The following CGRRF1 variants were observed in gnomAD, a reference collection of about 807,000 sequenced individuals.
CGRRF1 encodes cell growth regulator with RING finger domain protein 1.
CGRRF1 carries 32 observed loss-of-function variants against 37.2 expected under a neutral mutation model. The observed-to-expected ratio is 0.86, with a 90% CI of 0.65 to 1.16. The LOEUF (loss-of-function observed/expected upper bound fraction) is 1.16, where lower values mean the gene tolerates loss of function less well. Ranked by LOEUF, CGRRF1 falls within the 50% of genes most tolerant of loss-of-function variation. The pLI is 0.00. For missense variants in CGRRF1, 391 were observed against 382.6 expected (o/e 1.02, Z -0.18); for synonymous variants, 141 against 140.3 (o/e 1.00, Z -0.04).
chr14:54,512,935 T>G (rs577100790), intron 1 of CGRRF1, among the ~76,000 whole-genome samples: 6 of 152,364 alleles, frequency 3.9e-5, no homozygotes, highest in African/African-American at 1.4e-4. Context: ...TGCTTCCTGC[T>G]GTTACTACTT....
chr14:54,510,135 C>T, intron 1 of CGRRF1, 72 bp downstream of exon 1: 1 of 1,190,326 alleles, frequency 8.4e-7, no homozygotes, highest in East Asian at 2.4e-5. Context: ...CAGCAGGGGG[C>T]ACCGGAGCCG....
intron 2 of CGRRF1, chr14:54,523,219 C>T (rs2032352642): frequency 6.5e-6 from 1 of 154,640 alleles, no homozygotes; most frequent in Middle Eastern, 5.6e-4. Context: ...CCACCCACCT[C>T]AGCCTCCCAA....
chr14:54,530,540 A>G, intron 3 of CGRRF1: 1 of 1,305,720 alleles, frequency 7.7e-7, no homozygotes. Flanking sequence ...CCCAAGCATT[A>G]GAAGATGCTC....
chr14:54,514,765 T>A (rs186297435), intron 1 of CGRRF1, among the ~76,000 whole-genome samples: 1 of 152,346 alleles, frequency 6.6e-6, no homozygotes, highest in Non-Finnish European at 1.5e-5. Flanking sequence ...TAAGTACTGC[T>A]TTATCAGCAT....
At position 54,519,605 on chromosome 14, in the gene CGRRF1, G is replaced by T. The variant is rs562383784; in HGVS notation, c.105-2849G>T. ...CGTATTTTTGTATTGACCTAATCCAGCTCCTGGTTCCAAGTTATAAACCTG... is the reference window on the plus strand; with the variant it reads ...CGTATTTTTGTATTGACCTAATCCATCTCCTGGTTCCAAGTTATAAACCTG... On this transcript the variant is annotated intron_variant, in intron 1 of 5. Coordinates refer to ENST00000216420, the MANE Select transcript of CGRRF1 (RefSeq NM_006568.3). Among the ~76,000 whole-genome samples, 18 of 152,148 alleles carry T rather than the reference G, an allele frequency of 1.2e-4. No homozygotes were observed. The South Asian group carries it at 3.7e-3, about 32-fold the overall frequency.
chr14:54,514,580 C>A (rs866059859), intron 1 of CGRRF1, among the ~76,000 whole-genome samples: 1 of 152,222 alleles, frequency 6.6e-6, no homozygotes, highest in Non-Finnish European at 1.5e-5. Context: ...ATCTTTTCTG[C>A]TCCTGTTCTT....
At chr14:54,534,101 ATAT>A (rs1322434421) in intron 4 of CGRRF1, among the ~76,000 whole-genome samples, 1 of 152,156 alleles carries the variant, frequency 6.6e-6, no homozygotes, top group Non-Finnish European at 1.5e-5. Flanking sequence ...GAGACTTTTA[ATAT>A]TAAATCAAAT....
chr14:54,513,602 T>C (rs1284122689), intron 1 of CGRRF1, among the ~76,000 whole-genome samples: 1 of 151,042 alleles, frequency 6.6e-6, no homozygotes, highest in Admixed American at 6.7e-5. Context: ...TTATGTTATG[T>C]TATGTTATGT....
At chr14:54,513,318 C>T (rs2032159308) in intron 1 of CGRRF1, among the ~76,000 whole-genome samples, 1 of 152,196 alleles carries the variant, frequency 6.6e-6, no homozygotes, top group Admixed American at 6.5e-5. Flanking sequence ...AAGCTGTGTG[C>T]TGGAGGACCA....
At chr14:54,518,312 G>A (rs893807189) in intron 1 of CGRRF1, among the ~76,000 whole-genome samples, 4 of 152,012 alleles carry the variant, frequency 2.6e-5, no homozygotes, top group African/African-American at 7.3e-5. Flanking sequence ...TTGGGAGGCC[G>A]AGGTGGGCAG....
chr14:54,520,243 G>A (rs566145915), intron 1 of CGRRF1, among the ~76,000 whole-genome samples: 1 of 152,078 alleles, frequency 6.6e-6, no homozygotes, highest in East Asian at 1.9e-4. Flanking sequence ...CGAGTAGCTG[G>A]GACTGCAGGC....
In CGRRF1 at chr14:54,522,452, A is replaced by T; in HGVS notation, c.105-2A>T. The T allele has an allele frequency of 6.5e-7, 1 of 1,537,662 alleles. No individual in the cohort carries two copies. Among genetic ancestry groups the T allele is most frequent in the Non-Finnish European group, 8.7e-7 (1 of 1,148,470 alleles). On this transcript the variant is annotated splice_acceptor_variant, in intron 1 of 5. Transcript: ENST00000216420. LOFTEE classifies it high-confidence loss of function. ...AATATTTTATTTTTTACCTTTTTTTAGGTTTGGTTGGGATGTTCCAGTAAT... is the reference window on the plus strand; with the variant it reads ...AATATTTTATTTTTTACCTTTTTTTTGGTTTGGTTGGGATGTTCCAGTAAT...
In CGRRF1 at chr14:54,522,469, TC is replaced by T; in HGVS notation, c.122del (p.Pro41GlnfsTer2). 6.4e-7 allele frequency: 1 copy of T among 1,572,000 alleles called. No individual in the cohort carries two copies. The highest frequency in any genetic ancestry group is 8.6e-7 in the Non-Finnish European group (1 of 1,166,168). ...CTTTTTTTAGGTTTGGTTGGGATGTTCCAGTAATTCTGAGAAATTCAGAAGA... is the reference window on the plus strand; with the variant it reads ...CTTTTTTTAGGTTTGGTTGGGATGTTCAGTAATTCTGAGAAATTCAGAAGA... ...LVLGWFGWDV[P>X]VILRNSEETQ... is the part of the protein sequence containing the mutation. On this transcript the variant is annotated frameshift_variant, in exon 2 of 6. Transcript: ENST00000216420. LOFTEE classifies it high-confidence loss of function.
chr14:54,522,027 T>G (rs1482602980), intron 1 of CGRRF1, among the ~76,000 whole-genome samples: 5 of 152,164 alleles, frequency 3.3e-5, no homozygotes, highest in Non-Finnish European at 7.3e-5. Flanking sequence ...GGGGGATTGA[T>G]TCTAGGATAC....
chr14:54,525,568 T>C (rs2032397941), intron 2 of CGRRF1, among the ~76,000 whole-genome samples: 1 of 152,232 alleles, frequency 6.6e-6, no homozygotes, highest in Admixed American at 6.5e-5. Context: ...AGGATTTTGA[T>C]AGGAGTTATA....
At position 54,522,528 on chromosome 14, in the gene CGRRF1, A is replaced by T. The variant is rs1455898594; in HGVS notation, c.179A>T (p.Gln60Leu). The change falls in exon 2 of 6, where the codon CAA becomes CTA. Residue 60 changes from glutamine to leucine, a missense_variant. Gln to Leu is a moderately radical substitution (Grantham distance 113). Transcript: ENST00000216420. ...TQFSTRVFKK[Q>L]MRQVKNPFGL... ...TTCAGCACAAGAGTTTTCAAAAAGC[A>T]AATGAGACAAGTCAAGAATCCTTTT... The T allele has an allele frequency of 5.0e-6, 8 of 1,608,954 alleles. No homozygotes were observed. The Admixed American group carries it at 1.4e-4, about 27-fold the overall frequency.
At chr14:54,519,713 C>A (rs1174134959) in intron 1 of CGRRF1, among the ~76,000 whole-genome samples, 1 of 152,232 alleles carries the variant, frequency 6.6e-6, no homozygotes, top group Non-Finnish European at 1.5e-5. Flanking sequence ...TGCTGCCAGA[C>A]TGAGAACCAT....
chr14:54,530,886 T>G lies in CGRRF1; in HGVS notation c.423-17T>G. ...CTTATGGTTATAGTGGCAATTTACC[T>G]TTACATTTTCAAAAAGTATTAAAAA... On this transcript the variant is annotated splice_polypyrimidine_tract_variant and intron_variant, in intron 3 of 5. Transcript: ENST00000216420. The G allele has an allele frequency of 1.9e-6, 3 of 1,555,854 alleles. No individual in the cohort carries two copies. Among genetic ancestry groups the G allele is most frequent in the Non-Finnish European group, 2.7e-6 (3 of 1,131,528 alleles).
chr14:54,512,271 G>A (rs977066545), intron 1 of CGRRF1, among the ~76,000 whole-genome samples: 2 of 152,146 alleles, frequency 1.3e-5, no homozygotes, highest in Non-Finnish European at 2.9e-5. Context: ...TGCACTGTGT[G>A]GGAGTGGAGA....
Sources: gnomAD v4.1 joint callset for allele counts (sites outside exome capture counted in the v4.1 genomes callset) on GRCh38, gnomAD v4.1.1 for gene constraint, MANE v1.5 for transcripts, NCBI Gene and HGNC (gene_info 2026-07-23, HGNC 2026-07-21) for gene names.